The following WT1 variants were observed in gnomAD, a reference collection of about 807,000 sequenced individuals.
WT1 encodes WT1 transcription factor.
WT1 carries 8 observed loss-of-function variants against 60.8 expected under a neutral mutation model. That is an observed-to-expected ratio of 0.13 (90% CI 0.08 to 0.24). WT1 has a LOEUF of 0.24. Among genes scored for constraint, WT1 ranks in the 10% least tolerant of loss-of-function variants. WT1 has a pLI of 1.00. For missense variants in WT1, 568 were observed against 711.8 expected (o/e 0.80, Z 2.30); for synonymous variants, 312 against 297.1 (o/e 1.05, Z -0.52).
chr11:32,420,120 T>TGTGACTCATGCCACAC (rs1236533927), intron 3 of WT1, among the ~76,000 whole-genome samples: 2 of 152,236 alleles, frequency 1.3e-5, no homozygotes, highest in Non-Finnish European at 2.9e-5. Flanking sequence ...ACTGGCCACA[T>TGTGACTCATGCCACAC]GTGACTCATG....
chr11:32,403,572 C>CTTTT (rs398055138), intron 5 of WT1, among the ~76,000 whole-genome samples: 3 of 128,774 alleles, frequency 2.3e-5, no homozygotes, highest in Non-Finnish European at 3.2e-5. Flanking sequence ...ATGAATATTA[C>CTTTT]TTTTTTTTTT....
At chr11:32,396,511 G>T in intron 6 of WT1, 104 bp from the exon 7 acceptor site, 1 of 1,513,552 alleles carries the variant, frequency 6.6e-7, no homozygotes, top group Non-Finnish European at 9.0e-7. Context: ...AGAAGGGGTG[G>T]CAGGTGCAGA....
intron 6 of WT1, among the ~76,000 whole-genome samples, chr11:32,397,575 C>T (rs1023214286): frequency 2.6e-5 from 4 of 151,612 alleles, no homozygotes; most frequent in Admixed American, 2.6e-4. Flanking sequence ...CCACCTTGGC[C>T]TCCTAGAGTG....
At chr11:32,411,860 G>A (rs1036546751) in intron 5 of WT1, among the ~76,000 whole-genome samples, 6 of 152,114 alleles carry the variant, frequency 3.9e-5, no homozygotes, top group African/African-American at 1.4e-4. Context: ...CTCAGGCCAA[G>A]TCCAATGCAA....
chr11:32,393,862 G>T (rs147258285), intron 7 of WT1, among the ~76,000 whole-genome samples: 1 of 152,132 alleles, frequency 6.6e-6, no homozygotes, highest in Non-Finnish European at 1.5e-5. Context: ...TTCTTCAATG[G>T]GTTGGAAAAT....
chr11:32,431,263 C>G (rs962903128), intron 1 of WT1, among the ~76,000 whole-genome samples: 1 of 152,092 alleles, frequency 6.6e-6, no homozygotes, highest in Admixed American at 6.5e-5. Context: ...GAAAACCTGT[C>G]CCCCAACAAA....
chr11:32,405,420 G>A (rs1413903343), intron 5 of WT1, among the ~76,000 whole-genome samples: 1 of 151,568 alleles, frequency 6.6e-6, no homozygotes, highest in East Asian at 1.9e-4. Context: ...CTGCACTCTA[G>A]CCTGGGTGAC....
intron 7 of WT1, among the ~76,000 whole-genome samples, chr11:32,393,694 C>G (rs908444609): frequency 6.6e-6 from 1 of 152,232 alleles, no homozygotes; most frequent in Non-Finnish European, 1.5e-5. Flanking sequence ...AAATGTCCCC[C>G]ATCCCTATCT....
chr11:32,428,124 C>T, intron 2 of WT1, 66 bp from the exon 3 acceptor site: 1 of 1,428,304 alleles, frequency 7.0e-7, no homozygotes, highest in South Asian at 1.3e-5. Context: ...AGGCTGCGGG[C>T]AGGGGTTGGG....
At chr11:32,397,301 A>G (rs1852003269) in intron 6 of WT1, among the ~76,000 whole-genome samples, 2 of 152,148 alleles carry the variant, frequency 1.3e-5, no homozygotes, top group Non-Finnish European at 2.9e-5. Context: ...TGCTGACACA[A>G]GAGTGCATCC....
chr11:32,405,553 A>G (rs971398265), intron 5 of WT1, among the ~76,000 whole-genome samples: 1 of 150,208 alleles, frequency 6.7e-6, no homozygotes, highest in African/African-American at 2.4e-5. Context: ...CAGAATATAT[A>G]CTTATACATA....
intron 3 of WT1, among the ~76,000 whole-genome samples, chr11:32,423,584 A>C (rs970114838): frequency 5.9e-5 from 9 of 152,372 alleles, no homozygotes; most frequent in African/African-American, 2.2e-4. Context: ...AGAGAATGGC[A>C]CTTATCCATC....
intron 1 of WT1, among the ~76,000 whole-genome samples, chr11:32,433,412 G>A (rs1236726047): frequency 1.3e-5 from 2 of 152,342 alleles, no homozygotes; most frequent in African/African-American, 4.8e-5. Flanking sequence ...GCGGCCTGAA[G>A]ACGCGCGTTT....
chr11:32,397,175 C>T (rs1446080083), intron 6 of WT1, among the ~76,000 whole-genome samples: 4 of 152,178 alleles, frequency 2.6e-5, no homozygotes, highest in South Asian at 2.1e-4. Flanking sequence ...GGCAAGCTCC[C>T]CTTCCTCTTC....
intron 1 of WT1, among the ~76,000 whole-genome samples, chr11:32,429,938 A>C (rs1853214547): frequency 6.8e-6 from 1 of 146,772 alleles, no homozygotes; most frequent in South Asian, 2.4e-4. Flanking sequence ...TTCGAAACAC[A>C]CACGGACGCT....
Position 32,407,949 on chromosome 11 carries a change from G to A in WT1, c.1017-7905C>T, listed in dbSNP as rs181734034. 9.2e-5 allele frequency among the ~76,000 whole-genome samples: 14 copies of A among 152,256 alleles called. No homozygotes were observed. In the East Asian group the frequency reaches 1.5e-3, roughly 17 times the overall value. On this transcript the variant is annotated intron_variant, in intron 5 of 9. Coordinates refer to ENST00000452863, the MANE Select transcript of WT1 (RefSeq NM_024426.6). ...CTAGGAAATACAGGGGAGGCCAGGC[G>A]CGGTGGATCATGCCTGTAATCCCAG...
At chr11:32,427,306 C>A (rs970364159) in intron 3 of WT1, among the ~76,000 whole-genome samples, 1 of 152,186 alleles carries the variant, frequency 6.6e-6, no homozygotes, top group Non-Finnish European at 1.5e-5. Flanking sequence ...AAGCACGGAG[C>A]GGGGAAAAGC....
intron 4 of WT1, 53 bp downstream of exon 4, chr11:32,417,524 T>C: frequency 6.6e-7 from 1 of 1,517,394 alleles, no homozygotes; most frequent in Non-Finnish European, 9.2e-7. Context: ...TTTGAAATGG[T>C]TCAAACAGGT....
chr11:32,389,037 A>AC lies in WT1; in HGVS notation c.*20dup. ...CACACTGTGCTGCCTGGGACACTGA[A>AC]CGGTCCCCGAGGGAGACCCCTCAAA... On this transcript the variant is annotated 3_prime_UTR_variant, in exon 10 of 10. Transcript: ENST00000452863. The AC allele has an allele frequency of 6.2e-7, 1 of 1,614,186 alleles. No individual in the cohort carries two copies.
Sources: gnomAD v4.1 joint callset for allele counts (sites outside exome capture counted in the v4.1 genomes callset) on GRCh38, gnomAD v4.1.1 for gene constraint, MANE v1.5 for transcripts, NCBI Gene and HGNC (gene_info 2026-07-23, HGNC 2026-07-21) for gene names.